The following NRXN1 variants were observed in gnomAD, a reference collection of about 807,000 sequenced individuals.
NRXN1 encodes the protein neurexin 1.
A neutral mutation model predicts 150.9 loss-of-function variants in NRXN1; 39 were observed. That is an observed-to-expected ratio of 0.26 (90% CI 0.20 to 0.34). NRXN1 has a LOEUF of 0.34. NRXN1 is among the 10% of genes least tolerant of loss of function. The pLI, the probability that NRXN1 is intolerant of heterozygous loss-of-function variation, is 1.00. For synonymous variants in NRXN1, 924 were observed against 757.0 expected, an observed-to-expected ratio of 1.22 and a Z score of -3.62; for missense variants, 1,815 against 1,949.9, an observed-to-expected ratio of 0.93 and a Z score of 1.30.
intron 5 of NRXN1, among the ~76,000 whole-genome samples, chr2:50,843,900 T>C (rs1309271424): frequency 6.6e-6 from 1 of 152,106 alleles, no homozygotes; most frequent in South Asian, 2.1e-4. Context: ...AGGATCATTA[T>C]CCAATCTCAA....
In NRXN1 at chr2:50,133,029, C is replaced by T. The variant is rs186119710; in HGVS notation, c.3547-41535G>A. ...TGTATCTTAGGAAGAGATCCTGTTC[C>T]CTTAGGAAGTGCAAGGGAGGTGGTG... On this transcript the variant is annotated intron_variant, in intron 18 of 22. Coordinates refer to ENST00000401669, the MANE Select transcript of NRXN1 (RefSeq NM_001330078.2). Among the ~76,000 whole-genome samples the T allele has an allele frequency of 2.2e-3, 331 of 152,102 alleles. 1 individual carries two copies. The highest frequency in any genetic ancestry group is 4.0e-3 in the Non-Finnish European group (271 of 67,988).
chr2:49,997,816 ACT>A (rs781134661), intron 21 of NRXN1, among the ~76,000 whole-genome samples: 1 of 151,994 alleles, frequency 6.6e-6, no homozygotes, highest in Non-Finnish European at 1.5e-5. Flanking sequence ...GTCTGAGGTC[ACT>A]CTCTGCCTGG....
At chr2:50,312,562 C>A (rs2075267986) in intron 17 of NRXN1, among the ~76,000 whole-genome samples, 1 of 151,862 alleles carries the variant, frequency 6.6e-6, no homozygotes, top group African/African-American at 2.4e-5. Flanking sequence ...TCTGACAATT[C>A]AGCTTATTCT....
At chr2:50,560,865 T>TA (rs1317669487) in intron 8 of NRXN1, among the ~76,000 whole-genome samples, 4 of 152,138 alleles carry the variant, frequency 2.6e-5, no homozygotes, top group African/African-American at 9.7e-5. Context: ...TTCAATAAAA[T>TA]ATGTTATCTT....
At chr2:51,004,187 A>C (rs1036038049) in intron 2 of NRXN1, among the ~76,000 whole-genome samples, 1 of 152,024 alleles carries the variant, frequency 6.6e-6, no homozygotes, top group Admixed American at 6.6e-5. Context: ...GATACTAAGC[A>C]AACTACTGCT....
chr2:50,674,247 C>T (rs1200949250), intron 5 of NRXN1, among the ~76,000 whole-genome samples: 8 of 151,972 alleles, frequency 5.3e-5, no homozygotes, highest in Non-Finnish European at 1.0e-4. Context: ...AAGTCATTCT[C>T]GTTAGATAAC....
intron 8 of NRXN1, among the ~76,000 whole-genome samples, chr2:50,554,014 T>C (rs932382812): frequency 2.6e-5 from 4 of 152,152 alleles, no homozygotes; most frequent in African/African-American, 9.7e-5. Flanking sequence ...CTAAAATACA[T>C]AGACCATACT....
At chr2:50,858,472 C>G (rs542916981) in intron 5 of NRXN1, among the ~76,000 whole-genome samples, 1 of 152,020 alleles carries the variant, frequency 6.6e-6, no homozygotes, top group East Asian at 1.9e-4. Flanking sequence ...ACAGCTTTCT[C>G]CACTCAAACA....
intron 21 of NRXN1, among the ~76,000 whole-genome samples, chr2:50,008,657 C>G (rs1481785074): frequency 6.6e-6 from 1 of 151,926 alleles, no homozygotes; most frequent in Non-Finnish European, 1.5e-5. Context: ...AATTAATTGA[C>G]AAAATTTTCT....
chr2:50,107,114 C>T (rs550248917), intron 18 of NRXN1, among the ~76,000 whole-genome samples: 3 of 152,124 alleles, frequency 2.0e-5, no homozygotes, highest in Non-Finnish European at 2.9e-5. Context: ...AACTTTTCAA[C>T]ATGGAAAGGT....
chr2:50,279,217 A>G (rs1370110164), intron 17 of NRXN1, among the ~76,000 whole-genome samples: 1 of 152,156 alleles, frequency 6.6e-6, no homozygotes, highest in Non-Finnish European at 1.5e-5. Context: ...TGATACAGTT[A>G]TCTATAAAAC....
intron 5 of NRXN1, among the ~76,000 whole-genome samples, chr2:50,822,738 C>A (rs1488161924): frequency 2.0e-5 from 3 of 151,952 alleles, no homozygotes; most frequent in Non-Finnish European, 4.4e-5. Flanking sequence ...ATTCTTCTTC[C>A]CTACCAAATT....
chr2:50,156,852 T>C (rs538088063), intron 18 of NRXN1, among the ~76,000 whole-genome samples: 1 of 152,100 alleles, frequency 6.6e-6, no homozygotes, highest in Non-Finnish European at 1.5e-5. Flanking sequence ...ATGTAAAGCA[T>C]ATATGCGATT....
chr2:50,645,422 C>G (rs1388989701), intron 5 of NRXN1, among the ~76,000 whole-genome samples: 1 of 151,900 alleles, frequency 6.6e-6, no homozygotes, highest in Non-Finnish European at 1.5e-5. Context: ...CTGTCTACCT[C>G]TTTAGCAGGC....
At chr2:50,399,044 A>G (rs992002493) in intron 17 of NRXN1, among the ~76,000 whole-genome samples, 5 of 152,150 alleles carry the variant, frequency 3.3e-5, no homozygotes, top group Non-Finnish European at 7.4e-5. Flanking sequence ...GGAGGTCATA[A>G]TGGATTTTCG....
intron 5 of NRXN1, among the ~76,000 whole-genome samples, chr2:50,689,589 G>T (rs533761190): frequency 1.4e-4 from 22 of 152,226 alleles, no homozygotes; most frequent in Non-Finnish European, 2.6e-4. Flanking sequence ...GTTTAGCATG[G>T]TTGCTTGGTC....
chr2:50,174,498 A>G (rs186771383), intron 18 of NRXN1, among the ~76,000 whole-genome samples: 19 of 152,304 alleles, frequency 1.2e-4, no homozygotes, highest in Admixed American at 7.8e-4. Context: ...TGTGGGTGGC[A>G]TGCTGTATTT....
chr2:50,651,493 A>T (rs1685615817), intron 5 of NRXN1, among the ~76,000 whole-genome samples: 2 of 149,028 alleles, frequency 1.3e-5, no homozygotes, highest in Admixed American at 1.3e-4. Flanking sequence ...ACATGACATG[A>T]CATGACATGA....
intron 5 of NRXN1, among the ~76,000 whole-genome samples, chr2:50,766,259 T>G (rs112462068): frequency 1.3e-5 from 2 of 152,004 alleles, no homozygotes; most frequent in African/African-American, 4.8e-5. Context: ...CCATGATTTA[T>G]GGTCTGAGGT....
Sources: allele counts gnomAD v4.1 joint callset (sites outside exome capture counted in the v4.1 genomes callset), GRCh38; gene constraint gnomAD v4.1.1; transcripts MANE v1.5; gene names NCBI Gene and HGNC (gene_info 2026-07-23, HGNC 2026-07-21).